DGKB: variants seen among roughly 807,000 people sequenced by gnomAD.
DGKB encodes diacylglycerol kinase beta.
DGKB carries 67 observed loss-of-function variants against 114.3 expected under a neutral mutation model. That is an observed-to-expected ratio of 0.59 (90% CI 0.48 to 0.72). The LOEUF (loss-of-function observed/expected upper bound fraction) is 0.72, where lower values mean the gene tolerates loss of function less well. Among genes scored for constraint, DGKB ranks in the 30% least tolerant of loss-of-function variants. DGKB has a pLI of 0.00. For synonymous variants in DGKB, 398 were observed against 323.1 expected (o/e 1.23, Z -2.49); for missense variants, 907 against 975.2 (o/e 0.93, Z 0.93).
At chr7:14,488,184 T>C (rs2128926608) in intron 20 of DGKB, among the ~76,000 whole-genome samples, 1 of 152,214 alleles carries the variant, frequency 6.6e-6, no homozygotes, top group East Asian at 1.9e-4. Flanking sequence ...TTGGGCAGAC[T>C]AATTCAAAAT....
intron 24 of DGKB, 98 bp from the exon 25 acceptor site, chr7:14,176,997 G>A: frequency 2.2e-6 from 3 of 1,367,940 alleles, no homozygotes; most frequent in Non-Finnish European, 3.0e-6. Context: ...AAGGCAATAT[G>A]GTAATAGTTG....
chr7:14,562,308 T>C (rs527608883), intron 20 of DGKB, among the ~76,000 whole-genome samples: 1 of 152,304 alleles, frequency 6.6e-6, no homozygotes, highest in East Asian at 1.9e-4. Flanking sequence ...GTAGAACCTC[T>C]GCTAGCATGC....
At chr7:14,229,378 G>C (rs1791360805) in intron 23 of DGKB, among the ~76,000 whole-genome samples, 1 of 151,912 alleles carries the variant, frequency 6.6e-6, no homozygotes, top group Non-Finnish European at 1.5e-5. Flanking sequence ...TTACTTTACT[G>C]AATACTGTAG....
intron 23 of DGKB, among the ~76,000 whole-genome samples, chr7:14,238,119 GA>G (rs1657474621): frequency 6.6e-6 from 1 of 151,896 alleles, no homozygotes; most frequent in African/African-American, 2.4e-5. Flanking sequence ...AAGAATTAAT[GA>G]AAACTGTTTG....
At chr7:14,375,549 A>G (rs562994852) in intron 21 of DGKB, among the ~76,000 whole-genome samples, 1 of 152,298 alleles carries the variant, frequency 6.6e-6, no homozygotes, top group South Asian at 2.1e-4. Flanking sequence ...ATTCTTCATA[A>G]CTGCTGTTCC....
chr7:14,459,562 G>A (rs540709951), intron 21 of DGKB, among the ~76,000 whole-genome samples: 1 of 152,094 alleles, frequency 6.6e-6, no homozygotes, highest in African/African-American at 2.4e-5. Flanking sequence ...AAAAAAGAAT[G>A]AAAAGGAATG....
chr7:14,895,709 C>T (rs1453498109), intron 1 of DGKB, among the ~76,000 whole-genome samples: 2 of 151,574 alleles, frequency 1.3e-5, no homozygotes, highest in Non-Finnish European at 3.0e-5. Flanking sequence ...GAATAGGATA[C>T]AGGACCGTGG....
intron 1 of DGKB, among the ~76,000 whole-genome samples, chr7:14,900,981 C>T (rs1036061660): frequency 1.3e-5 from 2 of 152,110 alleles, no homozygotes; most frequent in African/African-American, 4.8e-5. Flanking sequence ...TTTTCTTTCT[C>T]ATTGCTGTCA....
At chr7:14,864,325 C>A (rs899730693) in intron 1 of DGKB, among the ~76,000 whole-genome samples, 7 of 152,072 alleles carry the variant, frequency 4.6e-5, no homozygotes, top group African/African-American at 1.7e-4. Flanking sequence ...TACACATGCA[C>A]ATACAAACAC....
At chr7:14,603,880 A>G (rs541280120) in intron 17 of DGKB, among the ~76,000 whole-genome samples, 1 of 152,250 alleles carries the variant, frequency 6.6e-6, no homozygotes, top group African/African-American at 2.4e-5. Context: ...CTGTATTTTC[A>G]TGAAGATTAG....
chr7:14,643,224 G>T (rs1246490268), intron 13 of DGKB, among the ~76,000 whole-genome samples: 1 of 152,180 alleles, frequency 6.6e-6, no homozygotes, highest in Non-Finnish European at 1.5e-5. Flanking sequence ...AAAAAGGTAG[G>T]TGGGAGATTC....
At chr7:14,243,462 TAATG>T (rs1793977651) in intron 23 of DGKB, among the ~76,000 whole-genome samples, 2 of 152,218 alleles carry the variant, frequency 1.3e-5, no homozygotes, top group African/African-American at 4.8e-5. Flanking sequence ...TAGATTTTGA[TAATG>T]AATAACTAAT....
chr7:14,259,538 T>C (rs1226205694), intron 23 of DGKB, among the ~76,000 whole-genome samples: 2 of 152,150 alleles, frequency 1.3e-5, no homozygotes, highest in African/African-American at 4.8e-5. Flanking sequence ...GTCATTCTCC[T>C]GCCTCAGCCT....
chr7:14,869,115 C>T (rs907046735), intron 1 of DGKB, among the ~76,000 whole-genome samples: 5 of 152,106 alleles, frequency 3.3e-5, no homozygotes, highest in African/African-American at 1.2e-4. Flanking sequence ...GCATGTCAAT[C>T]TATAAAATAA....
intron 21 of DGKB, among the ~76,000 whole-genome samples, chr7:14,457,689 A>G (rs1362469593): frequency 2.0e-5 from 3 of 152,206 alleles, no homozygotes; most frequent in East Asian, 1.9e-4. Flanking sequence ...TGTCTTGTTC[A>G]TCAAATGGGA....
chr7:14,542,742 T>C (rs929487855), intron 20 of DGKB, among the ~76,000 whole-genome samples: 1 of 152,182 alleles, frequency 6.6e-6, no homozygotes, highest in Non-Finnish European at 1.5e-5. Flanking sequence ...TTTTTAACCA[T>C]GTGTCTCCTG....
At chr7:14,514,489 T>C (rs901967129) in intron 20 of DGKB, among the ~76,000 whole-genome samples, 2 of 152,134 alleles carry the variant, frequency 1.3e-5, no homozygotes, top group Admixed American at 6.6e-5. Flanking sequence ...TTGCACCCAA[T>C]AGAATTTTAT....
intron 1 of DGKB, among the ~76,000 whole-genome samples, chr7:14,937,484 T>G (rs145146372): frequency 1.3e-3 from 194 of 152,302 alleles, no homozygotes; most frequent in South Asian, 6.2e-3. Flanking sequence ...CATTACTATA[T>G]ATAGTCTGTG....
chr7:14,695,432 G>A (rs1397309483), intron 8 of DGKB, among the ~76,000 whole-genome samples: 2 of 148,814 alleles, frequency 1.3e-5, no homozygotes, highest in East Asian at 2.0e-4. Flanking sequence ...TTCTAGGGAC[G>A]CTCCAGTCTT....
Sources: gnomAD v4.1 joint callset for allele counts (sites outside exome capture counted in the v4.1 genomes callset) on GRCh38, gnomAD v4.1.1 for gene constraint, MANE v1.5 for transcripts, NCBI Gene and HGNC (gene_info 2026-07-23, HGNC 2026-07-21) for gene names.